Variants in STX12 observed in about 807,000 individuals in gnomAD.
STX12 encodes the protein syntaxin-12.
In STX12, 17 loss-of-function variants were observed where a neutral mutation model predicts 42.2. The observed-to-expected ratio is 0.40, with a 90% CI of 0.28 to 0.60. The LOEUF is 0.60. Ranked by LOEUF, STX12 falls within the 20% of genes least tolerant of loss-of-function variation. STX12 has a pLI of 0.39. For synonymous variants in STX12, 108 were observed against 116.7 expected, an observed-to-expected ratio of 0.93 and a Z score of 0.48; for missense variants, 297 against 330.9, an observed-to-expected ratio of 0.90 and a Z score of 0.79.
At position 27,812,202 on chromosome 1, in the gene STX12, G is replaced by A. The variant is rs1405123804; in HGVS notation, c.510G>A (p.Glu170=). ...ACCAGATGCAGAGCCAGGAGGATGA[G>A]GTGGCCATCACTGAGCAGGATTTGG... is the stretch of plus-strand genomic sequence containing the variant. ...EWNQMQSQED[E]VAITEQDLEL... The change falls in exon 6 of 9, where the codon GAG becomes GAA. Residue 170 remains glutamate (E), a synonymous_variant. Transcript: ENST00000373943. The A allele has an allele frequency of 2.6e-6, 4 of 1,561,096 alleles. No individual in the cohort carries two copies. The highest frequency in any genetic ancestry group is 2.6e-6 in the Non-Finnish European group (3 of 1,151,834).
At chr1:27,777,886 C>CAA (rs559569659) in intron 1 of STX12, among the ~76,000 whole-genome samples, 6 of 142,314 alleles carry the variant, frequency 4.2e-5, no homozygotes, top group Non-Finnish European at 9.2e-5. Context: ...GACTCAGTCT[C>CAA]AAAAAAAAAA....
At chr1:27,809,825 A>G (rs2088891345) in intron 4 of STX12, 1 of 154,526 alleles carries the variant, frequency 6.5e-6, no homozygotes, top group African/African-American at 2.4e-5. Flanking sequence ...AAAAGGTAAC[A>G]CCATTTACAT....
At chr1:27,821,383 T>TG (rs894173594) in intron 8 of STX12, among the ~76,000 whole-genome samples, 1 of 152,154 alleles carries the variant, frequency 6.6e-6, no homozygotes, top group African/African-American at 2.4e-5. Flanking sequence ...GAGATGTTTC[T>TG]GAAGAGTTTA....
chr1:27,796,748 G>T (rs2088788678), intron 3 of STX12, among the ~76,000 whole-genome samples: 1 of 151,014 alleles, frequency 6.6e-6, no homozygotes, highest in Admixed American at 6.6e-5. Context: ...TGTTGCCCAG[G>T]CTGGACTGCG....
intron 1 of STX12, among the ~76,000 whole-genome samples, chr1:27,787,766 G>C (rs1445376063): frequency 6.6e-6 from 1 of 151,936 alleles, no homozygotes. Flanking sequence ...GACCAAATTA[G>C]GGACAAGATT....
chr1:27,793,823 T>A (rs1257226866), intron 3 of STX12, among the ~76,000 whole-genome samples, 191 bp downstream of exon 3: 1 of 152,052 alleles, frequency 6.6e-6, no homozygotes, highest in East Asian at 1.9e-4. Flanking sequence ...ACACACCAGA[T>A]GTGGCAAAGT....
chr1:27,811,940 C>T (rs2088905834), intron 5 of STX12: 1 of 618,926 alleles, frequency 1.6e-6, no homozygotes, highest in African/African-American at 1.8e-5. Flanking sequence ...AATTCTGCCA[C>T]ATGTCAGCTT....
In STX12 at chr1:27,793,542, A is replaced by G. The variant is rs2148600842; in HGVS notation, c.198A>G (p.Leu66=). The G allele has an allele frequency of 1.9e-6, 3 of 1,614,022 alleles. No homozygotes were observed. The highest frequency in any genetic ancestry group is 2.5e-6 in the Non-Finnish European group (3 of 1,179,904). Residue 66 remains leucine, a synonymous_variant, in exon 3 of 9, where the codon TTA becomes TTG. Transcript: ENST00000373943. ...ATCTTTTCTCTCTTAGGCAACAGTT[A>G]CAACACTCCACAAATCAGCTCGCCA... ...SSKLQENLQQ[L]QHSTNQLAKE...
chr1:27,789,433 C>T (rs1375582031), intron 1 of STX12, 129 bp from the exon 2 acceptor site: 2 of 564,434 alleles, frequency 3.5e-6, no homozygotes, highest in Non-Finnish European at 6.0e-6. Context: ...TTGATCATAG[C>T]ATGGTCTCTA....
At position 27,782,727 on chromosome 1, in the gene STX12, T is replaced by A. The variant is rs1308348790; in HGVS notation, c.119-6835T>A. 2.0e-5 allele frequency among the ~76,000 whole-genome samples: 3 copies of A among 152,172 alleles called. No individual in the cohort carries two copies. In the East Asian group the frequency reaches 5.8e-4, roughly 29 times the overall value. Reference sequence around the variant, plus strand: ...GGTGGGCACCTGTAATCCCAGCTACTTGGGAAGCTGAGACAGGAGAATCAC... The same window carrying A: ...GGTGGGCACCTGTAATCCCAGCTACATGGGAAGCTGAGACAGGAGAATCAC... On this transcript the variant is annotated intron_variant, in intron 1 of 8. Coordinates refer to ENST00000373943, the MANE Select transcript of STX12 (RefSeq NM_177424.3).
chr1:27,822,307 G>A lies in STX12; in HGVS notation c.809G>A (p.Trp270Ter). 1 of 1,611,992 alleles carries A rather than the reference G, an allele frequency of 6.2e-7. No homozygotes were observed. Among genetic ancestry groups the A allele is most frequent in the Non-Finnish European group, 8.5e-7 (1 of 1,178,150 alleles). The stretch of plus-strand genomic sequence containing the variant: ...ATTCTAATCTTGGGACTTATTATCT[G>A]GCTAGTTTATAAAACGAAGTGATTG... ...VIILILGLIIWLVYKTK is the reference protein window; with the variant it reads ...VIILILGLII Residue 270 changes from tryptophan to a stop codon, truncating the protein, a stop_gained, in exon 9 of 9, where the codon TGG (tryptophan) becomes TAG (stop). Transcript: ENST00000373943. LOFTEE classifies it high-confidence loss of function.
intron 3 of STX12, among the ~76,000 whole-genome samples, chr1:27,799,479 T>G (rs959771482): frequency 4.7e-5 from 7 of 147,504 alleles, no homozygotes; most frequent in South Asian, 4.2e-4. Flanking sequence ...ATTAGCTTGT[T>G]TTTTTTTTTG....
chr1:27,784,833 A>C (rs1022891959), intron 1 of STX12, among the ~76,000 whole-genome samples: 2 of 152,182 alleles, frequency 1.3e-5, no homozygotes, highest in Non-Finnish European at 2.9e-5. Context: ...AGGAATTTAG[A>C]AAGTGTTAAG....
chr1:27,814,117 T>G (rs555323298), intron 6 of STX12, among the ~76,000 whole-genome samples: 2 of 152,296 alleles, frequency 1.3e-5, no homozygotes, highest in African/African-American at 2.4e-5. Context: ...GCCAGGCTGG[T>G]CTTGTCTGTT....
chr1:27,775,431 C>A (rs2088622636), intron 1 of STX12, among the ~76,000 whole-genome samples: 1 of 152,066 alleles, frequency 6.6e-6, no homozygotes, highest in Non-Finnish European at 1.5e-5. Context: ...ACCACCACGC[C>A]CGGCTAATTT....
At chr1:27,808,733 A>G (rs1451322944) in intron 4 of STX12, among the ~76,000 whole-genome samples, 1 of 152,186 alleles carries the variant, frequency 6.6e-6, no homozygotes, top group Non-Finnish European at 1.5e-5. Flanking sequence ...ATTATAAAGC[A>G]TACTTTTTCC....
chr1:27,824,153 G>C lies in STX12; in HGVS notation c.*1824G>C, dbSNP rs1204770769. 1 of 152,136 alleles carries C rather than the reference G, an allele frequency of 6.6e-6. No individual in the cohort carries two copies. The highest frequency in any genetic ancestry group is 2.4e-5 in the African/African-American group (1 of 41,424). 9.4% of individuals were successfully genotyped at this position (152,136 alleles called of 1,614,324 possible). ...CAGTGGCCCAAAGAGCAGCTTCAGA[G>C]ATAATTCCTTGGTTCTATGATCCCT... is the stretch of plus-strand genomic sequence containing the variant. On this transcript the variant is annotated 3_prime_UTR_variant, in exon 9 of 9. Transcript: ENST00000373943.
At chr1:27,777,004 C>G (rs1173539380) in intron 1 of STX12, among the ~76,000 whole-genome samples, 3 of 152,136 alleles carry the variant, frequency 2.0e-5, no homozygotes, top group Non-Finnish European at 4.4e-5. Context: ...ACAAATATTC[C>G]TGGAGCACCT....
chr1:27,790,198 G>A (rs1467817980), intron 2 of STX12, among the ~76,000 whole-genome samples: 1 of 152,188 alleles, frequency 6.6e-6, no homozygotes, highest in Non-Finnish European at 1.5e-5. Context: ...CCTTCTGGTG[G>A]GTTCTTGGTC....
Sources: allele counts gnomAD v4.1 joint callset (sites outside exome capture counted in the v4.1 genomes callset), GRCh38; gene constraint gnomAD v4.1.1; transcripts MANE v1.5; gene names NCBI Gene and HGNC (gene_info 2026-07-23, HGNC 2026-07-21).